Variants in SHPK observed in about 807,000 individuals in gnomAD.
SHPK encodes sedoheptulokinase, also known as carbohydrate kinase-like protein.
Under a neutral mutation model 46.3 loss-of-function variants are expected in SHPK, and 51 were observed. The observed-to-expected ratio is 1.10, with a 90% CI of 0.88 to 1.39. The LOEUF (loss-of-function observed/expected upper bound fraction) is 1.39, where lower values mean the gene tolerates loss of function less well. Ranked by LOEUF, SHPK falls within the 40% of genes most tolerant of loss-of-function variation. The probability of loss-of-function intolerance (pLI) is 0.00; values close to 1 mark genes in which losing one functional copy is unlikely to be tolerated. For missense variants in SHPK, 668 were observed against 641.3 expected, an observed-to-expected ratio of 1.04 and a Z score of -0.45; for synonymous variants, 290 against 273.9, an observed-to-expected ratio of 1.06 and a Z score of -0.58.
At chr17:3,615,760 C>G (rs2075368339) in intron 5 of SHPK, among the ~76,000 whole-genome samples, 1 of 151,520 alleles carries the variant, frequency 6.6e-6, no homozygotes, top group Admixed American at 6.6e-5. Context: ...GGTCACAAGT[C>G]ACAATTTGGC....
At chr17:3,624,837 T>G (rs997275322) in intron 2 of SHPK, among the ~76,000 whole-genome samples, 6 of 152,014 alleles carry the variant, frequency 3.9e-5, no homozygotes, top group Admixed American at 6.6e-5. Flanking sequence ...GGACTTTCAG[T>G]AGAGACAGGG....
At chr17:3,616,353 G>A (rs222780) in intron 5 of SHPK, among the ~76,000 whole-genome samples, 13,445 of 152,186 alleles carry the variant, frequency 0.088, 756 homozygotes, top group East Asian at 0.23. Context: ...CAGGTGCCAC[G>A]TCGTGAGCAG....
At chr17:3,615,290 T>C in intron 6 of SHPK, 47 bp downstream of exon 6, 2 of 1,584,150 alleles carry the variant, frequency 1.3e-6, no homozygotes, top group Non-Finnish European at 1.7e-6. Flanking sequence ...CCCTGCCGGG[T>C]AGAAAGGACA....
At position 3,624,044 on chromosome 17, in the gene SHPK, G is replaced by A. The variant is rs370312553; in HGVS notation, c.494+4C>T. On this transcript the variant is annotated splice_donor_region_variant and intron_variant, in intron 3 of 6. Coordinates refer to ENST00000225519, the MANE Select transcript of SHPK (RefSeq NM_013276.4). ...CACCCGAGTGAAAGTGCAGTTGCCC[G>A]TACCGATATTTCAAAAGCCAGAAGA... 1.0e-5 allele frequency: 16 copies of A among 1,599,408 alleles called. No individual in the cohort carries two copies. The highest frequency in any genetic ancestry group is 9.0e-5 in the East Asian group (4 of 44,544).
intron 6 of SHPK, among the ~76,000 whole-genome samples, chr17:3,614,004 G>T (rs2075357605): frequency 6.6e-6 from 1 of 152,220 alleles, no homozygotes. Context: ...CTAGCAGAGT[G>T]CCTGCGTCCT....
chr17:3,627,227 G>A (rs1008087342), intron 2 of SHPK, among the ~76,000 whole-genome samples: 9 of 151,990 alleles, frequency 5.9e-5, no homozygotes, highest in African/African-American at 1.4e-4. Context: ...TCTGCTGCTC[G>A]CCTTTTAGCT....
chr17:3,619,799 AC>A, intron 5 of SHPK: 1 of 455,270 alleles, frequency 2.2e-6, no homozygotes, highest in Non-Finnish European at 4.3e-6. Flanking sequence ...CTTAATTCTG[AC>A]CATCCTGCTG....
intron 6 of SHPK, among the ~76,000 whole-genome samples, chr17:3,611,847 T>A (rs1388242431): frequency 7.5e-6 from 1 of 133,040 alleles, no homozygotes; most frequent in South Asian, 2.6e-4. Flanking sequence ...TCACCCAGGC[T>A]GGAGTGCAGT....
chr17:3,614,907 A>G (rs553655591), intron 6 of SHPK, among the ~76,000 whole-genome samples: 17 of 152,262 alleles, frequency 1.1e-4, no homozygotes, highest in Non-Finnish European at 2.2e-4. Flanking sequence ...TCCTATGGCC[A>G]GGCTTCTCAG....
At chr17:3,626,971 T>C (rs540491175) in intron 2 of SHPK, among the ~76,000 whole-genome samples, 1 of 152,306 alleles carries the variant, frequency 6.6e-6, no homozygotes, top group African/African-American at 2.4e-5. Flanking sequence ...AACATTTTGA[T>C]TTCTTACCAT....
chr17:3,608,566 C>T lies in SHPK; in HGVS notation c.*1994G>A, dbSNP rs1458070371. 1 of 152,198 alleles carries T rather than the reference C, an allele frequency of 6.6e-6. No individual in the cohort carries two copies. The highest frequency in any genetic ancestry group is 2.4e-5 in the African/African-American group (1 of 41,428). 9.4% of individuals were successfully genotyped at this position (152,198 alleles called of 1,614,324 possible). On this transcript the variant is annotated 3_prime_UTR_variant, in exon 7 of 7. Transcript: ENST00000225519. Reference sequence around the variant, plus strand: ...GGCACGGCAGAGACTCTCCATCACACTGCTCAGAACAATGCACAAGGGAAA... The same window carrying T: ...GGCACGGCAGAGACTCTCCATCACATTGCTCAGAACAATGCACAAGGGAAA...
chr17:3,631,539 TAGCGA>T (rs2075472259), intron 1 of SHPK, among the ~76,000 whole-genome samples: 1 of 127,536 alleles, frequency 7.8e-6, no homozygotes, highest in African/African-American at 2.9e-5. Flanking sequence ...TTTTTTTTTT[TAGCGA>T]TAGAGTCTCT....
rs202063815 is a variant in SHPK at position 3,621,438 on chromosome 17, A to G, written c.648-26T>C. On this transcript the variant is annotated intron_variant, in intron 4 of 6. Transcript: ENST00000225519. ...CTGTAAAACAGAAGTGGACACCCAC[A>G]TGGACCCACAGTTAGGTTTCGGGAA... 133 of 1,606,330 alleles carry G rather than the reference A, an allele frequency of 8.3e-5. 1 individual carries two copies. Among genetic ancestry groups the G allele is most frequent in the Non-Finnish European group, 1.6e-5 (19 of 1,175,924 alleles).
chr17:3,633,518 T>C (rs988650130), intron 1 of SHPK, among the ~76,000 whole-genome samples: 3 of 152,004 alleles, frequency 2.0e-5, no homozygotes, highest in Admixed American at 6.6e-5. Flanking sequence ...CCCTGCTATA[T>C]AGACTAACTC....
intron 6 of SHPK, among the ~76,000 whole-genome samples, chr17:3,613,982 G>C (rs559753147): frequency 7.2e-4 from 109 of 152,334 alleles, no homozygotes; most frequent in East Asian, 1.5e-3. Flanking sequence ...GCCTGGAAGA[G>C]AGGCCTGGCC....
rs2075414345 is a variant in SHPK at position 3,623,424 on chromosome 17, C to CTGT, written c.561_562insACA (p.Cys187_Gly188insThr). Reference sequence around the variant, plus strand: ...TCGGACATCAGAGGTCTTGGCAAGCCACACAGCATGGCAACCACATAGTCG... The same window carrying CTGT: ...TCGGACATCAGAGGTCTTGGCAAGCCTGTACACAGCATGGCAACCACATAGTCG... On this transcript the variant is annotated inframe_insertion, in exon 4 of 7. Coordinates refer to ENST00000225519, the MANE Select transcript of SHPK (RefSeq NM_013276.4). The CTGT allele has an allele frequency of 6.2e-7, 1 of 1,614,166 alleles. No individual in the cohort carries two copies. The highest frequency in any genetic ancestry group is 8.5e-7 in the Non-Finnish European group (1 of 1,179,960).
At chr17:3,621,449 G>T in intron 4 of SHPK, 37 bp from the exon 5 acceptor site, 1 of 1,591,606 alleles carries the variant, frequency 6.3e-7, no homozygotes, top group Non-Finnish European at 8.6e-7. Flanking sequence ...TGGACCCACA[G>T]TTAGGTTTCG....
intron 5 of SHPK, among the ~76,000 whole-genome samples, chr17:3,617,113 C>G (rs138253030): frequency 4.6e-5 from 7 of 152,156 alleles, no homozygotes; most frequent in Non-Finnish European, 1.0e-4. Context: ...CTCAAGTGAT[C>G]TGCCCACCTC....
In SHPK at chr17:3,624,277, T is replaced by C. The variant is rs987133145; in HGVS notation, c.311-46A>G. 6 of 1,554,398 alleles carry C rather than the reference T, an allele frequency of 3.9e-6. No individual in the cohort carries two copies. The African/African-American group carries it at 6.8e-5, about 18-fold the overall frequency. On this transcript the variant is annotated intron_variant, in intron 2 of 6. Coordinates refer to ENST00000225519, the MANE Select transcript of SHPK (RefSeq NM_013276.4). ...AAAAATGAAGAAAAGAGCAAATGAC[T>C]AGGCATGGCGCGGCCTTGATACTAC... is the stretch of plus-strand genomic sequence containing the variant.
Sources: allele counts gnomAD v4.1 joint callset (sites outside exome capture counted in the v4.1 genomes callset), GRCh38; gene constraint gnomAD v4.1.1; transcripts MANE v1.5; gene names NCBI Gene and HGNC (gene_info 2026-07-23, HGNC 2026-07-21).